Variants in NOS1AP observed in about 807,000 individuals in gnomAD.
NOS1AP encodes carboxyl-terminal PDZ ligand of neuronal nitric oxide synthase protein.
A neutral mutation model predicts 56.2 loss-of-function variants in NOS1AP; 21 were observed. The ratio of observed to expected loss-of-function variants is 0.37; its 90% CI spans 0.26 to 0.54. The LOEUF (loss-of-function observed/expected upper bound fraction) is 0.54, where lower values mean the gene tolerates loss of function less well. Among genes scored for constraint, NOS1AP ranks in the 20% least tolerant of loss-of-function variants. The pLI is 0.84. For missense variants in NOS1AP, 522 were observed against 657.8 expected (o/e 0.79, Z 2.26); for synonymous variants, 270 against 274.6 (o/e 0.98, Z 0.17).
intron 2 of NOS1AP, among the ~76,000 whole-genome samples, chr1:162,271,638 C>T (rs1475668492): frequency 1.3e-5 from 2 of 152,202 alleles, no homozygotes; most frequent in Non-Finnish European, 2.9e-5. Context: ...TCATCATGAC[C>T]AGCCAGCTCG....
intron 5 of NOS1AP, among the ~76,000 whole-genome samples, chr1:162,336,604 G>C (rs1217907915): frequency 6.6e-6 from 1 of 152,234 alleles, no homozygotes; most frequent in South Asian, 2.1e-4. Flanking sequence ...AGAAGAAAAG[G>C]CCCAAGGAAG....
chr1:162,336,017 G>GT (rs1414118336), intron 5 of NOS1AP, among the ~76,000 whole-genome samples: 1 of 151,960 alleles, frequency 6.6e-6, no homozygotes, highest in Non-Finnish European at 1.5e-5. Flanking sequence ...CTTGAGCTAA[G>GT]TTTTTTTTCA....
At chr1:162,074,327 C>T (rs923265413) in intron 1 of NOS1AP, among the ~76,000 whole-genome samples, 1 of 152,220 alleles carries the variant, frequency 6.6e-6, no homozygotes, top group Non-Finnish European at 1.5e-5. Flanking sequence ...GTTCTTTCAC[C>T]TCCTCCAAGG....
At chr1:162,099,806 C>T (rs1692338263) in intron 1 of NOS1AP, among the ~76,000 whole-genome samples, 2 of 151,962 alleles carry the variant, frequency 1.3e-5, no homozygotes, top group East Asian at 1.9e-4. Context: ...CAACAGTCTC[C>T]GATGTGTGAT....
At chr1:162,352,971 G>C (rs1031479532) in intron 6 of NOS1AP, among the ~76,000 whole-genome samples, 1 of 152,038 alleles carries the variant, frequency 6.6e-6, no homozygotes, top group Non-Finnish European at 1.5e-5. Flanking sequence ...TTTTCCTATA[G>C]GATGCCATTC....
chr1:162,345,144 ATTTCT>A (rs941438343), intron 6 of NOS1AP, among the ~76,000 whole-genome samples: 104 of 139,812 alleles, frequency 7.4e-4, no homozygotes, highest in African/African-American at 2.5e-3. Flanking sequence ...GACAATACAG[ATTTCT>A]TTTCTTTTTT....
chr1:162,191,625 C>T (rs1326581277), intron 2 of NOS1AP, among the ~76,000 whole-genome samples: 30 of 151,956 alleles, frequency 2.0e-4, no homozygotes, highest in East Asian at 3.9e-4. Flanking sequence ...AAATTCTTGC[C>T]GCGTTCTCCT....
intron 2 of NOS1AP, among the ~76,000 whole-genome samples, chr1:162,233,297 C>A (rs563094730): frequency 1.3e-5 from 2 of 152,198 alleles, no homozygotes; most frequent in Non-Finnish European, 2.9e-5. Context: ...CCTCCCCACC[C>A]CAATGCCTGT....
At chr1:162,298,575 G>A (rs1003664682) in intron 3 of NOS1AP, among the ~76,000 whole-genome samples, 1 of 152,222 alleles carries the variant, frequency 6.6e-6, no homozygotes, top group Non-Finnish European at 1.5e-5. Flanking sequence ...TAGTGTCACA[G>A]TAAGACAGTG....
chr1:162,303,771 T>C (rs1655734242), intron 4 of NOS1AP, among the ~76,000 whole-genome samples: 1 of 152,204 alleles, frequency 6.6e-6, no homozygotes, highest in South Asian at 2.1e-4. Flanking sequence ...CATTTGTATA[T>C]ATATTTTTAA....
At chr1:162,237,890 A>T (rs1255289471) in intron 2 of NOS1AP, among the ~76,000 whole-genome samples, 1 of 140,086 alleles carries the variant, frequency 7.1e-6, no homozygotes, top group African/African-American at 2.5e-5. Flanking sequence ...TGGGAGACAC[A>T]TGAGTCCTTT....
At position 162,369,673 on chromosome 1, in the gene NOS1AP, C is replaced by T. The variant is rs72702015; in HGVS notation, c.*2206C>T. 0.024 allele frequency: 3,599 copies of T among 152,394 alleles called. 69 individuals carry two copies. Among genetic ancestry groups the T allele is most frequent in the Non-Finnish European group, 0.038 (2,557 of 68,062 alleles). The allele number at this position is 152,394 out of a possible 1,614,324, so 9.4% of individuals were successfully genotyped here. On this transcript the variant is annotated 3_prime_UTR_variant, in exon 10 of 10. Coordinates refer to ENST00000361897, the MANE Select transcript of NOS1AP (RefSeq NM_014697.3). ...AGAAACTAGTTATCTGTGTTGCTGA[C>T]TTTGGGACCCATCCAAGACTCCTGC...
rs757647988 is a variant in NOS1AP, at chr1:162,154,439, G to A, written c.140G>A (p.Ser47Asn). The A allele has an allele frequency of 5.0e-6, 8 of 1,614,152 alleles. No homozygotes were observed. Among genetic ancestry groups the A allele is most frequent in the Non-Finnish European group, 6.8e-6 (8 of 1,180,002 alleles). Residue 47 changes from serine (S) to asparagine (N), a missense_variant, in exon 2 of 10, where the codon AGC (serine) becomes AAC (asparagine). Physicochemically the swap from Ser to Asn is conservative, Grantham distance 46. This residue lies in a region of NOS1AP where 132 missense variants were observed against 218.1 expected (regional missense o/e 0.61). Coordinates refer to ENST00000361897, the MANE Select transcript of NOS1AP (RefSeq NM_014697.3). Reference sequence around the variant, plus strand: ...AGCCTGGACGTGCCAAGGCCCAACAGCAGGGTGGAGATCGTGGCTGCCATG... The same window carrying A: ...AGCCTGGACGTGCCAAGGCCCAACAACAGGGTGGAGATCGTGGCTGCCATG... ...VGSLDVPRPN[S>N]RVEIVAAMRR...
chr1:162,347,244 T>C (rs1449130307), intron 6 of NOS1AP, among the ~76,000 whole-genome samples: 1 of 152,254 alleles, frequency 6.6e-6, no homozygotes, highest in Non-Finnish European at 1.5e-5. Flanking sequence ...CATGCCCCGT[T>C]GGTGGCCTGA....
intron 4 of NOS1AP, among the ~76,000 whole-genome samples, chr1:162,311,829 G>A (rs1443664268): frequency 4.2e-5 from 6 of 143,856 alleles, no homozygotes; most frequent in Non-Finnish European, 6.1e-5. Flanking sequence ...GAGAATATGC[G>A]GTGTTTGGTT....
At chr1:162,300,170 A>C (rs116586737) in intron 3 of NOS1AP, among the ~76,000 whole-genome samples, 3,137 of 152,224 alleles carry the variant, frequency 0.021, 43 homozygotes, top group African/African-American at 0.031. Flanking sequence ...ATGGCCCCCC[A>C]CACTGGGGTG....
chr1:162,161,994 C>A (rs1462946722), intron 2 of NOS1AP, among the ~76,000 whole-genome samples: 1 of 152,114 alleles, frequency 6.6e-6, no homozygotes, highest in African/African-American at 2.4e-5. Context: ...CTGTGGCTCT[C>A]TTGGAATTTA....
chr1:162,278,384 A>G lies in NOS1AP; in HGVS notation c.178-8960A>G, dbSNP rs962570564. ...ATGTGAATACTTGCTGTGAAATAGC[A>G]TTACTATTCAGTGTAGCTTCTTTGA... is the stretch of plus-strand genomic sequence containing the variant. On this transcript the variant is annotated intron_variant, in intron 2 of 9. Coordinates refer to ENST00000361897, the MANE Select transcript of NOS1AP (RefSeq NM_014697.3). 1.5e-4 allele frequency among the ~76,000 whole-genome samples: 23 copies of G among 152,334 alleles called. 1 individual carries two copies. In the South Asian group the frequency reaches 3.1e-3, roughly 21 times the overall value.
intron 8 of NOS1AP, 35 bp downstream of exon 8, chr1:162,357,171 C>A (rs760675704): frequency 1.9e-6 from 3 of 1,594,680 alleles, no homozygotes; most frequent in African/African-American, 2.7e-5. Flanking sequence ...TCGCAGGCTC[C>A]ACTCTCATGG....
Sources: gnomAD v4.1 joint callset for allele counts (sites outside exome capture counted in the v4.1 genomes callset) on GRCh38, gnomAD v4.1.1 for gene constraint, gnomAD v4.1.1 regional missense constraint, MANE v1.5 for transcripts, NCBI Gene and HGNC (gene_info 2026-07-23, HGNC 2026-07-21) for gene names.